The following EZH2 variants were observed in gnomAD, a reference collection of about 807,000 sequenced individuals.
EZH2 encodes histone-lysine N-methyltransferase EZH2.
Under a neutral mutation model 98.4 loss-of-function variants are expected in EZH2, and 18 were observed. The observed-to-expected ratio is 0.18, with a 90% CI of 0.13 to 0.27. EZH2 has a LOEUF of 0.27. Among genes scored for constraint, EZH2 ranks in the 10% least tolerant of loss-of-function variants. The pLI is 1.00. For missense variants in EZH2, 470 were observed against 935.1 expected (o/e 0.50, Z 6.49); for synonymous variants, 338 against 312.3 (o/e 1.08, Z -0.87).
At chr7:148,821,727 G>C (rs1806150735) in intron 8 of EZH2, among the ~76,000 whole-genome samples, 1 of 152,234 alleles carries the variant, frequency 6.6e-6, no homozygotes, top group Admixed American at 6.5e-5. Flanking sequence ...GCAGGAAGCT[G>C]AGATAGGAGA....
At chr7:148,846,842 G>C (rs1366674188) in intron 2 of EZH2, among the ~76,000 whole-genome samples, 23 of 5,552 alleles carry the variant, frequency 4.1e-3, no homozygotes, top group African/African-American at 0.019. Context: ...TGTTGACTGT[G>C]TGTGTGTGTG....
In EZH2 at chr7:148,844,851, T is replaced by C. The variant is rs189448068; in HGVS notation, c.246+1619A>G. Among the ~76,000 whole-genome samples the C allele has an allele frequency of 9.9e-5, 15 of 152,284 alleles. No homozygotes were observed. The East Asian group carries it at 2.9e-3, about 29-fold the overall frequency. ...GTTGTATGTCAATAATGTACTTCAC[T>C]AATACTTCATGTGTCTGAGCAAAGT... On this transcript the variant is annotated intron_variant, in intron 3 of 19. Coordinates refer to ENST00000320356, the MANE Select transcript of EZH2 (RefSeq NM_004456.5).
intron 3 of EZH2, among the ~76,000 whole-genome samples, chr7:148,840,947 A>G (rs1812271960): frequency 6.6e-6 from 1 of 152,122 alleles, no homozygotes; most frequent in Non-Finnish European, 1.5e-5. Flanking sequence ...GCATTTGGGG[A>G]AGATACATGA....
At chr7:148,848,022 C>G (rs1279857949) in intron 1 of EZH2, among the ~76,000 whole-genome samples, 1 of 152,138 alleles carries the variant, frequency 6.6e-6, no homozygotes, top group African/African-American at 2.4e-5. Flanking sequence ...TATAGTTCAC[C>G]AGATGTCTAA....
chr7:148,866,881 A>C (rs1183229912), intron 1 of EZH2, among the ~76,000 whole-genome samples: 1 of 149,318 alleles, frequency 6.7e-6, no homozygotes. Context: ...CACCCGGCTA[A>C]TTTTTATTTT....
At chr7:148,810,115 C>G in intron 17 of EZH2, 1 of 427,924 alleles carries the variant, frequency 2.3e-6, no homozygotes, top group Non-Finnish European at 4.3e-6. Context: ...CACAGACAGC[C>G]GGGACTCCAG....
chr7:148,872,865 C>T (rs1453555917), intron 1 of EZH2, among the ~76,000 whole-genome samples: 1 of 151,352 alleles, frequency 6.6e-6, no homozygotes, highest in African/African-American at 2.4e-5. Flanking sequence ...TTCCTGAAGA[C>T]ATCTTGATAT....
chr7:148,864,718 AGT>A (rs1491334240), intron 1 of EZH2, among the ~76,000 whole-genome samples: 1 of 152,016 alleles, frequency 6.6e-6, no homozygotes, highest in Admixed American at 6.6e-5. Context: ...AGAAAAAAAA[AGT>A]TTAAGTTTTT....
At chr7:148,878,706 C>T (rs774942616) in intron 1 of EZH2, among the ~76,000 whole-genome samples, 1 of 151,344 alleles carries the variant, frequency 6.6e-6, no homozygotes, top group Non-Finnish European at 1.5e-5. Flanking sequence ...CAAGACCAGC[C>T]TGGGCAACAT....
At chr7:148,815,632 C>A (rs564185797) in intron 12 of EZH2, 86 bp from the exon 13 acceptor site, 2 of 1,191,396 alleles carry the variant, frequency 1.7e-6, no homozygotes, top group South Asian at 2.4e-5. Flanking sequence ...TCTATCTGTG[C>A]CATGAATACA....
chr7:148,808,085 T>A (rs550332179), intron 19 of EZH2, among the ~76,000 whole-genome samples: 1 of 152,068 alleles, frequency 6.6e-6, no homozygotes, highest in East Asian at 1.9e-4. Flanking sequence ...CTGGAAAAAA[T>A]GATGACCATA....
intron 3 of EZH2, among the ~76,000 whole-genome samples, chr7:148,843,619 A>G (rs536624624): frequency 0.028 from 2,360 of 84,194 alleles, 45 homozygotes; most frequent in African/African-American, 0.074. Flanking sequence ...TTTTTGAGAC[A>G]GCGTCTCGCT....
In EZH2 at chr7:148,827,475, T is replaced by G. The variant is rs562456049; in HGVS notation, c.626-209A>C. On this transcript the variant is annotated intron_variant, in intron 6 of 19. Transcript: ENST00000320356. ...AATTCAAATTCAAATATGAAAAGCT[T>G]TAAGAGCACTGGGAAGCAGAAAACC... Among the ~76,000 whole-genome samples the G allele has an allele frequency of 4.0e-4, 61 of 152,264 alleles. No individual in the cohort carries two copies. The highest frequency in any genetic ancestry group is 1.4e-3 in the African/African-American group (58 of 41,542).
chr7:148,861,970 C>G (rs1426322568), intron 1 of EZH2, among the ~76,000 whole-genome samples: 3 of 152,158 alleles, frequency 2.0e-5, no homozygotes, highest in African/African-American at 7.2e-5. Context: ...CTCAAACATA[C>G]TTAGCTTAGA....
chr7:148,850,791 C>T (rs1240432745), intron 1 of EZH2, among the ~76,000 whole-genome samples: 10 of 152,144 alleles, frequency 6.6e-5, no homozygotes, highest in Non-Finnish European at 1.5e-4. Context: ...CCTAAAGCTG[C>T]AGATAGTACT....
chr7:148,807,764 A>ACTTGC (rs2129465600), intron 19 of EZH2, 58 bp from the exon 20 acceptor site: 1 of 1,126,426 alleles, frequency 8.9e-7, no homozygotes, highest in Non-Finnish European at 1.3e-6. Context: ...ATGTGCTGAG[A>ACTTGC]CTTAACACAA....
rs1325795163 is a variant in EZH2, at chr7:148,811,483, C to T, written c.1947+142G>A. 7.7e-6 allele frequency: 5 copies of T among 648,826 alleles called. No individual in the cohort carries two copies. In the Admixed American group the frequency reaches 1.1e-4, roughly 15 times the overall value. 40.2% of individuals were successfully genotyped at this position (648,826 alleles called of 1,614,324 possible). Reference sequence around the variant, plus strand: ...GTTACTAAGCATGCAAATCCACAAACATGCAGAAGTCCAGGCTGAAAAGGC... The same window carrying T: ...GTTACTAAGCATGCAAATCCACAAATATGCAGAAGTCCAGGCTGAAAAGGC... On this transcript the variant is annotated intron_variant, in intron 16 of 19. Coordinates refer to ENST00000320356, the MANE Select transcript of EZH2 (RefSeq NM_004456.5).
At chr7:148,870,099 A>G (rs572252208) in intron 1 of EZH2, among the ~76,000 whole-genome samples, 2 of 152,290 alleles carry the variant, frequency 1.3e-5, no homozygotes, top group Non-Finnish European at 2.9e-5. Flanking sequence ...TCTCTATTTC[A>G]GGCAAATATT....
At position 148,817,218 on chromosome 7, in the gene EZH2, T is replaced by C; in HGVS notation, c.1410+4A>G. 1 of 1,610,170 alleles carries C rather than the reference T, an allele frequency of 6.2e-7. No individual in the cohort carries two copies. Among genetic ancestry groups the C allele is most frequent in the Non-Finnish European group, 8.5e-7 (1 of 1,178,292 alleles). On this transcript the variant is annotated splice_donor_region_variant and intron_variant, in intron 11 of 19. Transcript: ENST00000320356. ...TTTAACAACATTTTTATCGGATATCTTACCTGTCTACATGTTTTGGTCCCA... is the reference window on the plus strand; with the variant it reads ...TTTAACAACATTTTTATCGGATATCCTACCTGTCTACATGTTTTGGTCCCA...
Sources: allele counts gnomAD v4.1 joint callset (sites outside exome capture counted in the v4.1 genomes callset), GRCh38; gene constraint gnomAD v4.1.1; transcripts MANE v1.5; gene names NCBI Gene and HGNC (gene_info 2026-07-23, HGNC 2026-07-21).